Variants in KCNH8 observed in about 807,000 individuals in gnomAD.
KCNH8 encodes the protein potassium voltage-gated channel subfamily H member 8.
Under a neutral mutation model 103.6 loss-of-function variants are expected in KCNH8, and 70 were observed. That is an observed-to-expected ratio of 0.68 (90% CI 0.56 to 0.82). The LOEUF is 0.82. Among genes scored for constraint, KCNH8 ranks in the 40% least tolerant of loss-of-function variants. KCNH8 has a pLI of 0.00. For missense variants in KCNH8, 1,217 were observed against 1,329.9 expected (o/e 0.92, Z 1.32); for synonymous variants, 498 against 489.4 (o/e 1.02, Z -0.23).
At chr3:19,439,181 A>T (rs774567558) in intron 8 of KCNH8, among the ~76,000 whole-genome samples, 2 of 152,238 alleles carry the variant, frequency 1.3e-5, no homozygotes, top group Non-Finnish European at 1.5e-5. Context: ...ACATTAAAAA[A>T]TTAGGAAATT....
At chr3:19,193,146 G>T (rs1431791822) in intron 1 of KCNH8, among the ~76,000 whole-genome samples, 1 of 151,536 alleles carries the variant, frequency 6.6e-6, no homozygotes, top group Non-Finnish European at 1.5e-5. Context: ...TAAAGTTTTA[G>T]ATTTTCAAAT....
At chr3:19,332,832 C>T (rs1174617450) in intron 3 of KCNH8, among the ~76,000 whole-genome samples, 1 of 152,054 alleles carries the variant, frequency 6.6e-6, no homozygotes, top group East Asian at 1.9e-4. Flanking sequence ...GGGGTTTCAT[C>T]ATGTTGAACA....
At chr3:19,368,085 T>C (rs1288710154) in intron 5 of KCNH8, among the ~76,000 whole-genome samples, 1 of 152,072 alleles carries the variant, frequency 6.6e-6, no homozygotes, top group East Asian at 1.9e-4. Context: ...TAAAAATCTT[T>C]CTTATCAAAT....
chr3:19,496,545 A>T (rs2125228570), intron 11 of KCNH8, among the ~76,000 whole-genome samples: 1 of 152,272 alleles, frequency 6.6e-6, no homozygotes, highest in East Asian at 1.9e-4. Flanking sequence ...GATAAAGCCT[A>T]CTTGATCTTG....
chr3:19,525,204 C>G lies in KCNH8; in HGVS notation c.2619+7130C>G, dbSNP rs188013081. On this transcript the variant is annotated intron_variant, in intron 15 of 15. Coordinates refer to ENST00000328405, the MANE Select transcript of KCNH8 (RefSeq NM_144633.3). ...TAACATAAATATATATTATTTTTGT[C>G]AATTTAAAAAATCAAAATAAAAAAA... 1.7e-4 allele frequency among the ~76,000 whole-genome samples: 26 copies of G among 151,788 alleles called. No individual in the cohort carries two copies. The East Asian group carries it at 4.5e-3, about 26-fold the overall frequency.
chr3:19,372,089 A>G (rs1255439030), intron 5 of KCNH8, among the ~76,000 whole-genome samples: 1 of 152,170 alleles, frequency 6.6e-6, no homozygotes, highest in African/African-American at 2.4e-5. Flanking sequence ...TGACTTGGCG[A>G]TGCGGGCTCT....
rs376325121 is a variant in KCNH8 at position 19,513,291 on chromosome 3, T to C, written c.2401T>C (p.Leu801=). The change falls in exon 13 of 16, where the codon TTG becomes CTG. Residue 801 remains leucine, a synonymous_variant. Transcript: ENST00000328405. ...EKNLKLQLST[L]NNAGPPDLSP... is the part of the protein sequence containing the mutation. ...GAACTTGAAATTGCAACTTTCAACT[T>C]TGAATAATGCTGGACCCCCAGACCT... 7.4e-6 allele frequency: 12 copies of C among 1,611,464 alleles called. No individual in the cohort carries two copies. The highest frequency in any genetic ancestry group is 6.7e-5 in the African/African-American group (5 of 74,674).
In KCNH8 at chr3:19,534,268, A is replaced by G. The variant is rs180864676; in HGVS notation, c.*169A>G. The G allele has an allele frequency of 6.6e-4, 399 of 602,182 alleles. No individual in the cohort carries two copies. Among genetic ancestry groups the G allele is most frequent in the Non-Finnish European group, 9.6e-4 (327 of 340,250 alleles). 37.3% of individuals were successfully genotyped at this position (602,182 alleles called of 1,614,324 possible). On this transcript the variant is annotated 3_prime_UTR_variant, in exon 16 of 16. Transcript: ENST00000328405. ...GAACCACCTCCATGCTGTAGCAAAC[A>G]ATTTCTAGATACTAGAAGCATAATA...
At chr3:19,371,985 A>G (rs2066104539) in intron 5 of KCNH8, among the ~76,000 whole-genome samples, 1 of 151,798 alleles carries the variant, frequency 6.6e-6, no homozygotes, top group Non-Finnish European at 1.5e-5. Flanking sequence ...CTGTTTTGGT[A>G]CCAGTACCAT....
At chr3:19,224,727 G>A (rs2063910756) in intron 1 of KCNH8, among the ~76,000 whole-genome samples, 1 of 152,050 alleles carries the variant, frequency 6.6e-6, no homozygotes, top group Admixed American at 6.6e-5. Flanking sequence ...TTGACAAAAT[G>A]TGTCATTGAT....
At chr3:19,221,780 C>T (rs1382968431) in intron 1 of KCNH8, among the ~76,000 whole-genome samples, 1 of 151,538 alleles carries the variant, frequency 6.6e-6, no homozygotes, top group Non-Finnish European at 1.5e-5. Context: ...TAAAAACATA[C>T]AGATATTAGA....
chr3:19,246,339 C>T (rs1201906753), intron 1 of KCNH8, among the ~76,000 whole-genome samples: 3 of 125,886 alleles, frequency 2.4e-5, no homozygotes, highest in East Asian at 2.4e-4. Context: ...TGCAGTGGTG[C>T]GATATCGGCT....
At position 19,239,332 on chromosome 3, in the gene KCNH8, C is replaced by G. The variant is rs963900755; in HGVS notation, c.77-14322C>G. 8.0e-4 allele frequency among the ~76,000 whole-genome samples: 122 copies of G among 152,262 alleles called. 1 individual carries two copies. Among genetic ancestry groups the G allele is most frequent in the African/African-American group, 2.7e-3 (114 of 41,546 alleles). ...GTCCTGGACACCACAATCACATTAC[C>G]AGGCATGGATGAGGGGCAGAAAAGG... On this transcript the variant is annotated intron_variant, in intron 1 of 15. Transcript: ENST00000328405.
intron 5 of KCNH8, among the ~76,000 whole-genome samples, chr3:19,366,268 G>C (rs1024157689): frequency 6.6e-6 from 1 of 151,752 alleles, no homozygotes; most frequent in African/African-American, 2.4e-5. Context: ...TTTTTCCTTA[G>C]GTTTAATGCC....
chr3:19,218,724 G>T (rs191110921), intron 1 of KCNH8, among the ~76,000 whole-genome samples: 254 of 152,282 alleles, frequency 1.7e-3, no homozygotes, highest in African/African-American at 5.8e-3. Context: ...AGATCAAGGT[G>T]TCAGCAGGCC....
At chr3:19,454,917 C>T (rs75993177) in intron 10 of KCNH8, among the ~76,000 whole-genome samples, 11,085 of 152,194 alleles carry the variant, frequency 0.073, 819 homozygotes, top group East Asian at 0.23. Flanking sequence ...ATTAACATTA[C>T]TTCAATAAAG....
intron 7 of KCNH8, among the ~76,000 whole-genome samples, chr3:19,399,281 T>C (rs1193007893): frequency 6.6e-6 from 1 of 151,944 alleles, no homozygotes; most frequent in African/African-American, 2.4e-5. Flanking sequence ...TGGAGGATGC[T>C]TTATTTGTTT....
chr3:19,462,842 T>C (rs1424310606), intron 11 of KCNH8, among the ~76,000 whole-genome samples: 1 of 152,150 alleles, frequency 6.6e-6, no homozygotes, highest in Non-Finnish European at 1.5e-5. Context: ...AGGGATCCAG[T>C]TTCTCATATG....
chr3:19,470,342 C>G (rs1167365751), intron 11 of KCNH8, among the ~76,000 whole-genome samples: 6 of 152,178 alleles, frequency 3.9e-5, no homozygotes, highest in African/African-American at 1.4e-4. Flanking sequence ...AACATTATCT[C>G]TCTGTTTCTT....
Sources: gnomAD v4.1 joint callset for allele counts (sites outside exome capture counted in the v4.1 genomes callset) on GRCh38, gnomAD v4.1.1 for gene constraint, MANE v1.5 for transcripts, NCBI Gene and HGNC (gene_info 2026-07-23, HGNC 2026-07-21) for gene names.